The following LPIN2 variants were observed in gnomAD, a reference collection of about 807,000 sequenced individuals.
LPIN2 encodes lipin 2, also known as phosphatidate phosphatase LPIN2.
Under a neutral mutation model 111.4 loss-of-function variants are expected in LPIN2, and 55 were observed. That is an observed-to-expected ratio of 0.49 (90% CI 0.40 to 0.62). The LOEUF (loss-of-function observed/expected upper bound fraction) is 0.62. LPIN2 is among the 20% of genes least tolerant of loss of function. The pLI is 0.00. For synonymous variants in LPIN2, 425 were observed against 414.0 expected, an observed-to-expected ratio of 1.03 and a Z score of -0.32; for missense variants, 992 against 1,112.1, an observed-to-expected ratio of 0.89 and a Z score of 1.54.
intron 8 of LPIN2, among the ~76,000 whole-genome samples, chr18:2,931,795 G>T (rs2077217038): frequency 1.3e-5 from 2 of 152,148 alleles, no homozygotes; most frequent in South Asian, 4.1e-4. Flanking sequence ...TGATGAAAAT[G>T]ACAGGGTAAT....
At position 2,925,422 on chromosome 18, in the gene LPIN2, G is replaced by C; in HGVS notation, c.1794-54C>G. Reference sequence around the variant, plus strand: ...AGGCAGCAGGGCATTTTATTGATGAGAGCTTTTCATTTAGGATCAAGAAAA... The same window carrying C: ...AGGCAGCAGGGCATTTTATTGATGACAGCTTTTCATTTAGGATCAAGAAAA... On this transcript the variant is annotated intron_variant, in intron 13 of 19. Transcript: ENST00000677752. This position sits in a 1 kb window ranked among gnomAD's most constrained non-coding sequence, Gnocchi z 4.1. The C allele has an allele frequency of 1.9e-6, 3 of 1,610,016 alleles. No homozygotes were observed. Among genetic ancestry groups the C allele is most frequent in the Admixed American group, 1.7e-5 (1 of 60,018 alleles).
chr18:2,943,938 A>G (rs1244491753), intron 4 of LPIN2, among the ~76,000 whole-genome samples: 1 of 152,232 alleles, frequency 6.6e-6, no homozygotes, highest in Non-Finnish European at 1.5e-5. Flanking sequence ...GTACTTCTGT[A>G]AATTTTTCTT....
At chr18:2,986,174 C>T (rs563972476) in intron 1 of LPIN2, among the ~76,000 whole-genome samples, 3 of 152,350 alleles carry the variant, frequency 2.0e-5, no homozygotes, top group South Asian at 4.1e-4. Context: ...AAGGGACTGA[C>T]GTTTTATTCA....
chr18:2,934,497 T>C, intron 7 of LPIN2, 47 bp from the exon 8 acceptor site: 1 of 1,225,468 alleles, frequency 8.2e-7, no homozygotes, highest in Non-Finnish European at 1.2e-6. Flanking sequence ...ATTCTTCATT[T>C]ACAGCTCTGC....
chr18:2,940,590 T>A lies in LPIN2; in HGVS notation c.698+15A>T. 1 of 1,523,750 alleles carries A rather than the reference T, an allele frequency of 6.6e-7. No homozygotes were observed. Among genetic ancestry groups the A allele is most frequent in the African/African-American group, 1.4e-5 (1 of 73,040 alleles). 94.4% of individuals were successfully genotyped at this position (1,523,750 alleles called of 1,614,324 possible). On this transcript the variant is annotated intron_variant, in intron 5 of 19. Transcript: ENST00000677752. Reference sequence around the variant, plus strand: ...TTCCTCTTTCAAGAAACCAAGAAATTTCAAAGATACTTACGTCTCTAAAGG... The same window carrying A: ...TTCCTCTTTCAAGAAACCAAGAAATATCAAAGATACTTACGTCTCTAAAGG...
intron 1 of LPIN2, among the ~76,000 whole-genome samples, chr18:2,964,119 T>C (rs974840653): frequency 6.6e-6 from 1 of 151,090 alleles, no homozygotes; most frequent in South Asian, 2.1e-4. Context: ...CCGTCTTTAC[T>C]AAAAATACAA....
chr18:2,945,209 A>G (rs1021880599), intron 4 of LPIN2, among the ~76,000 whole-genome samples: 1 of 152,238 alleles, frequency 6.6e-6, no homozygotes. Flanking sequence ...TAATACAAAG[A>G]CATAAAAAAA....
chr18:2,940,416 T>C (rs559713480), intron 5 of LPIN2, among the ~76,000 whole-genome samples, 189 bp downstream of exon 5: 6 of 152,284 alleles, frequency 3.9e-5, no homozygotes, highest in Non-Finnish European at 8.8e-5. Flanking sequence ...ACTGTTAGAG[T>C]AAGTCAGATC....
intron 1 of LPIN2, among the ~76,000 whole-genome samples, chr18:2,963,896 CTCT>C (rs1455198546): frequency 6.8e-6 from 1 of 146,246 alleles, no homozygotes; most frequent in Admixed American, 6.9e-5. Context: ...CTGGAAACAA[CTCT>C]TTTTTTGAAA....
chr18:2,920,531 T>C, intron 19 of LPIN2, 94 bp from the exon 20 acceptor site: 1 of 1,410,616 alleles, frequency 7.1e-7, no homozygotes, highest in South Asian at 1.2e-5. Context: ...CTCAGATTGC[T>C]CAGGTGGGCA....
chr18:2,944,641 C>T (rs1307235854), intron 4 of LPIN2, among the ~76,000 whole-genome samples: 6 of 152,076 alleles, frequency 3.9e-5, no homozygotes, highest in African/African-American at 1.4e-4. Flanking sequence ...TGAGCCACCG[C>T]GCCCGGCCTC....
At chr18:2,950,636 T>A in intron 4 of LPIN2, 1 of 244,790 alleles carries the variant, frequency 4.1e-6, no homozygotes, top group East Asian at 1.0e-4. Context: ...TGTAAAAAAA[T>A]AAAAATCATT....
At chr18:3,010,846 T>C (rs2078591012) in intron 1 of LPIN2, among the ~76,000 whole-genome samples, 1 of 151,528 alleles carries the variant, frequency 6.6e-6, no homozygotes, top group South Asian at 2.1e-4. Context: ...CAAGCCATAA[T>C]GTAATATTAA....
Position 2,919,578 on chromosome 18 carries a change from A to G in LPIN2, c.*715T>C, listed in dbSNP as rs1024120717. Reference sequence around the variant, plus strand: ...CACTTTTATTACAGACATCAAATATATACTTGTGAGACCTGTTCTTCTGGT... The same window carrying G: ...CACTTTTATTACAGACATCAAATATGTACTTGTGAGACCTGTTCTTCTGGT... On this transcript the variant is annotated 3_prime_UTR_variant, in exon 20 of 20. Transcript: ENST00000677752. 1 of 153,302 alleles carries G rather than the reference A, an allele frequency of 6.5e-6. No homozygotes were observed. The highest frequency in any genetic ancestry group is 2.4e-5 in the African/African-American group (1 of 41,440). The allele number at this position is 153,302 out of a possible 1,614,324, so 9.5% of individuals were successfully genotyped here.
At chr18:2,934,795 T>C (rs1305909625) in intron 7 of LPIN2, among the ~76,000 whole-genome samples, 2 of 152,206 alleles carry the variant, frequency 1.3e-5, no homozygotes, top group Non-Finnish European at 2.9e-5. Context: ...ACCACCTGCA[T>C]TGGGAACGAG....
At chr18:2,950,673 T>C in intron 4 of LPIN2, 1 of 270,292 alleles carries the variant, frequency 3.7e-6, no homozygotes, top group Non-Finnish European at 7.1e-6. Flanking sequence ...AAAACAAAAC[T>C]CAACTCCTCA....
chr18:2,937,566 AAAAAAG>A (rs2077303331), intron 7 of LPIN2, 120 bp downstream of exon 7: 32 of 724,464 alleles, frequency 4.4e-5, no homozygotes, highest in African/African-American at 9.1e-5. Context: ...AAAAAAAAAA[AAAAAAG>A]TGCGACGGGT....
rs778381907 is a variant in LPIN2, at chr18:2,920,260, G to A, written c.*33C>T. 12 of 1,613,570 alleles carry A rather than the reference G, an allele frequency of 7.4e-6. No individual in the cohort carries two copies. The highest frequency in any genetic ancestry group is 6.6e-5 in the South Asian group (6 of 91,056). ...TGCCTTCCCTTGCTGTGGGGAGGGG[G>A]ACCAAGCCCTGCCCACCCACTGAGG... On this transcript the variant is annotated 3_prime_UTR_variant, in exon 20 of 20. Coordinates refer to ENST00000677752, the MANE Select transcript of LPIN2 (RefSeq NM_001375808.2).
At chr18:2,926,134 A>T (rs2144136751) in intron 13 of LPIN2, among the ~76,000 whole-genome samples, 1 of 152,202 alleles carries the variant, frequency 6.6e-6, no homozygotes, top group South Asian at 2.1e-4. Flanking sequence ...AAAAACAAAA[A>T]CTAGTAAGAA....
Sources: gnomAD v4.1 joint callset for allele counts (sites outside exome capture counted in the v4.1 genomes callset) on GRCh38, gnomAD v4.1.1 for gene constraint, Gnocchi (gnomAD v3.1) non-coding constraint, MANE v1.5 for transcripts, NCBI Gene and HGNC (gene_info 2026-07-23, HGNC 2026-07-21) for gene names.